The following MIOS variants were observed in gnomAD, a reference collection of about 807,000 sequenced individuals.
MIOS encodes meiosis regulator for oocyte development.
In MIOS, 52 loss-of-function variants were observed where a neutral mutation model predicts 96.9. That is an observed-to-expected ratio of 0.54 (90% CI 0.43 to 0.68). The LOEUF (loss-of-function observed/expected upper bound fraction) is 0.68, where lower values mean the gene tolerates loss of function less well. MIOS is among the 30% of genes least tolerant of loss of function. The pLI is 0.00. For synonymous variants in MIOS, 397 were observed against 359.5 expected (o/e 1.10, Z -1.18); for missense variants, 1,005 against 1,052.8 (o/e 0.95, Z 0.63).
rs1783385270 is a variant in MIOS at position 7,572,404 on chromosome 7, T to C, written c.-40-32T>C. 2 of 1,172,108 alleles carry C rather than the reference T, an allele frequency of 1.7e-6. No individual in the cohort carries two copies. Among genetic ancestry groups the C allele is most frequent in the Non-Finnish European group, 2.4e-6 (2 of 842,020 alleles). 72.6% of individuals were successfully genotyped at this position (1,172,108 alleles called of 1,614,324 possible). On this transcript the variant is annotated intron_variant, in intron 3 of 12. Transcript: ENST00000340080. This position sits in a 1 kb window ranked among gnomAD's most constrained non-coding sequence, Gnocchi z 4.8. Reference sequence around the variant, plus strand: ...ACGTAAGAATTATATTTTGCTGATATTTTAAAACTTTTTATTTTTAAACAT... The same window carrying C: ...ACGTAAGAATTATATTTTGCTGATACTTTAAAACTTTTTATTTTTAAACAT...
chr7:7,580,226 T>C (rs12533006), intron 5 of MIOS, among the ~76,000 whole-genome samples: 97,447 of 152,110 alleles, frequency 0.64, 32,049 homozygotes, highest in Admixed American at 0.75. Flanking sequence ...AATAAGTGTT[T>C]TGTTAACTTT....
chr7:7,591,759 G>C (rs1784054320), intron 9 of MIOS, among the ~76,000 whole-genome samples: 1 of 151,950 alleles, frequency 6.6e-6, no homozygotes, highest in Non-Finnish European at 1.5e-5. Context: ...TATCCTGTTT[G>C]TGGTTCACTG....
intron 9 of MIOS, among the ~76,000 whole-genome samples, chr7:7,589,849 A>G (rs890392836): frequency 2.0e-5 from 3 of 152,178 alleles, no homozygotes; most frequent in Non-Finnish European, 4.4e-5. Context: ...AGTTTCTCCA[A>G]TTGTTGACAT....
intron 7 of MIOS, among the ~76,000 whole-genome samples, chr7:7,587,242 A>G (rs1232387408): frequency 6.6e-6 from 1 of 151,546 alleles, no homozygotes; most frequent in Non-Finnish European, 1.5e-5. Flanking sequence ...CTGGTCTCGA[A>G]CTCCTGATCT....
At position 7,607,166 on chromosome 7, in the gene MIOS, C is replaced by A; in HGVS notation, c.*74C>A. 4 of 1,131,394 alleles carry A rather than the reference C, an allele frequency of 3.5e-6. No homozygotes were observed. The highest frequency in any genetic ancestry group is 5.2e-6 in the Non-Finnish European group (4 of 776,240). 70.1% of individuals were successfully genotyped at this position (1,131,394 alleles called of 1,614,324 possible). On this transcript the variant is annotated 3_prime_UTR_variant, in exon 13 of 13. Transcript: ENST00000340080. ...GTGTCCTTCATAGCTCAGAAACATA[C>A]CTCAGAACAAGCCATTCATGACTTA...
Position 7,583,290 on chromosome 7 carries a change from A to G in MIOS, c.1566A>G (p.Glu522=). 3 of 1,614,122 alleles carry G rather than the reference A, an allele frequency of 1.9e-6. No individual in the cohort carries two copies. The highest frequency in any genetic ancestry group is 1.7e-6 in the Non-Finnish European group (2 of 1,179,994). ...CCCTTGTACAAGAAGGGGAATGGGA[A>G]AGAGCTGCTGCTGTGGCATTGTTCA... The part of the protein sequence containing the change: ...LNSLVQEGEW[E]RAAAVALFNL... The change falls in exon 6 of 13, where the codon GAA becomes GAG. Residue 522 remains glutamate (E), a synonymous_variant. Transcript: ENST00000340080.
intron 11 of MIOS, among the ~76,000 whole-genome samples, chr7:7,603,793 C>T (rs1204029735): frequency 6.6e-6 from 1 of 151,944 alleles, no homozygotes; most frequent in Admixed American, 6.6e-5. Context: ...TTCACAATAG[C>T]AAAGACTTGG....
chr7:7,590,796 C>G (rs146080817), intron 9 of MIOS, among the ~76,000 whole-genome samples: 3 of 151,812 alleles, frequency 2.0e-5, no homozygotes, highest in East Asian at 3.9e-4. Flanking sequence ...AACATTTTAC[C>G]CCCTCATACT....
intron 3 of MIOS, among the ~76,000 whole-genome samples, chr7:7,570,074 C>G (rs1783299947): frequency 6.6e-6 from 1 of 152,162 alleles, no homozygotes; most frequent in Admixed American, 6.5e-5. Context: ...GATTTTTACT[C>G]TGGTATTCTA....
chr7:7,607,212 C>A lies in MIOS; in HGVS notation c.*120C>A. ...ACTTACCTGTAATGGGAAAATAAAT[C>A]ATTCTATCAGATCAGCAGTTTTGAT... On this transcript the variant is annotated 3_prime_UTR_variant, in exon 13 of 13. Transcript: ENST00000340080. 3.0e-6 allele frequency: 2 copies of A among 672,012 alleles called. No homozygotes were observed. Among genetic ancestry groups the A allele is most frequent in the Non-Finnish European group, 4.9e-6 (2 of 407,866 alleles). 41.6% of individuals were successfully genotyped at this position (672,012 alleles called of 1,614,324 possible). A position where few individuals can be genotyped will look rare whatever the true frequency, so the allele number is the denominator to read the frequency against.
At chr7:7,591,499 C>G (rs1433660952) in intron 9 of MIOS, among the ~76,000 whole-genome samples, 1 of 151,904 alleles carries the variant, frequency 6.6e-6, no homozygotes, top group Non-Finnish European at 1.5e-5. Context: ...AGGCTGGTCT[C>G]AAACTCCTGA....
chr7:7,571,360 G>A (rs1172610234), intron 3 of MIOS, among the ~76,000 whole-genome samples: 1 of 152,104 alleles, frequency 6.6e-6, no homozygotes, highest in African/African-American at 2.4e-5. Flanking sequence ...TTGTAGAAGC[G>A]AAAACTGAAA....
intron 3 of MIOS, among the ~76,000 whole-genome samples, chr7:7,568,709 C>G (rs1285754701): frequency 6.6e-6 from 1 of 152,194 alleles, no homozygotes; most frequent in African/African-American, 2.4e-5. Flanking sequence ...GTAGCTGATC[C>G]TTTTCTTTGC....
intron 8 of MIOS, among the ~76,000 whole-genome samples, 181 bp from the exon 9 acceptor site, chr7:7,589,224 A>G (rs942240455): frequency 1.3e-5 from 2 of 152,174 alleles, no homozygotes; most frequent in Admixed American, 6.5e-5. Flanking sequence ...TTAAATGATT[A>G]TGGATATTGC....
In MIOS at chr7:7,572,377, C is replaced by A; in HGVS notation, c.-40-59C>A. Reference sequence around the variant, plus strand: ...TTTCTGACTTTCTGAATAGTTTATTCAACGTAAGAATTATATTTTGCTGAT... The same window carrying A: ...TTTCTGACTTTCTGAATAGTTTATTAAACGTAAGAATTATATTTTGCTGAT... On this transcript the variant is annotated intron_variant, in intron 3 of 12. Transcript: ENST00000340080. The surrounding 1 kb of genome is among the most constrained non-coding windows in gnomAD (Gnocchi z 4.8). The A allele has an allele frequency of 1.2e-6, 1 of 831,552 alleles. No individual in the cohort carries two copies. The highest frequency in any genetic ancestry group is 1.8e-6 in the Non-Finnish European group (1 of 557,110). 51.5% of individuals were successfully genotyped at this position (831,552 alleles called of 1,614,324 possible). A position where few individuals can be genotyped will look rare whatever the true frequency, so the allele number is the denominator to read the frequency against.
intron 5 of MIOS, among the ~76,000 whole-genome samples, chr7:7,579,725 G>A (rs961064284): frequency 1.5e-4 from 23 of 152,184 alleles, no homozygotes; most frequent in African/African-American, 5.1e-4. Flanking sequence ...GTGTTGGGCC[G>A]CATTCAGAGC....
chr7:7,585,397 T>A (rs1783851727), intron 6 of MIOS, among the ~76,000 whole-genome samples: 1 of 127,548 alleles, frequency 7.8e-6, no homozygotes, highest in African/African-American at 2.8e-5. Flanking sequence ...CCAGTCTGAA[T>A]CAAAACCCAA....
At chr7:7,605,869 A>G in intron 11 of MIOS, 73 bp from the exon 12 acceptor site, 2 of 1,420,340 alleles carry the variant, frequency 1.4e-6, no homozygotes, top group Non-Finnish European at 1.9e-6. Flanking sequence ...ACAGTTTTAG[A>G]AATGCTTTTT....
In MIOS at chr7:7,572,987, C is replaced by T; in HGVS notation, c.512C>T (p.Thr171Ile). The T allele has an allele frequency of 6.2e-7, 1 of 1,614,064 alleles. No homozygotes were observed. Among genetic ancestry groups the T allele is most frequent in the Non-Finnish European group, 8.5e-7 (1 of 1,179,966 alleles). Reference protein sequence around the residue: ...VKLSAGETETTLLVTKPLYEL... With the variant: ...VKLSAGETETILLVTKPLYEL... Reference sequence around the variant, plus strand: ...CTTTCAGCAGGTGAAACTGAAACAACATTATTAGTAACAAAACCACTTTAT... The same window carrying T: ...CTTTCAGCAGGTGAAACTGAAACAATATTATTAGTAACAAAACCACTTTAT... The change falls in exon 4 of 13, where the codon ACA (threonine) becomes ATA (isoleucine). Residue 171 changes from threonine (T) to isoleucine (I), a missense_variant. Around this residue, in one of 3 missense-constraint regions of MIOS, gnomAD observed 865 missense variants for 887.9 expected, o/e 0.97. Transcript: ENST00000340080. This position sits in a 1 kb window ranked among gnomAD's most constrained non-coding sequence, Gnocchi z 4.8.
Sources: gnomAD v4.1 joint callset for allele counts (sites outside exome capture counted in the v4.1 genomes callset) on GRCh38, gnomAD v4.1.1 for gene constraint, gnomAD v4.1.1 regional missense constraint, Gnocchi (gnomAD v3.1) non-coding constraint, MANE v1.5 for transcripts, NCBI Gene and HGNC (gene_info 2026-07-23, HGNC 2026-07-21) for gene names.